Variants in CCL26 observed in about 807,000 individuals in gnomAD.
CCL26 encodes C-C motif chemokine ligand 26.
In CCL26, 10 loss-of-function variants were observed where a neutral mutation model predicts 10.7. The ratio of observed to expected loss-of-function variants is 0.93; its 90% CI spans 0.57 to 1.58. The LOEUF (loss-of-function observed/expected upper bound fraction) is 1.58. CCL26 is among the 40% of genes most tolerant of loss of function. The pLI, the probability that CCL26 is intolerant of heterozygous loss-of-function variation, is 0.00. For synonymous variants in CCL26, 43 were observed against 41.4 expected (o/e 1.04, Z -0.15); for missense variants, 116 against 111.0 (o/e 1.05, Z -0.20).
chr7:75,773,373 G>A (rs797025982), upstream of CCL26, among the ~76,000 whole-genome samples: 4 of 151,148 alleles, frequency 2.6e-5, no homozygotes, highest in African/African-American at 7.3e-5. Context: ...ACAGTGAGCC[G>A]AGATCCCGCC....
intron 1 of CCL26, among the ~76,000 whole-genome samples, chr7:75,787,031 G>A (rs376912820): frequency 6.6e-5 from 10 of 152,192 alleles, no homozygotes; most frequent in South Asian, 2.1e-4. Flanking sequence ...ATTTGCCCCC[G>A]CCCAGGACTG....
At chr7:75,790,114 T>A (rs1803292382), upstream of CCL26, among the ~76,000 whole-genome samples, 1 of 150,176 alleles carries the variant, frequency 6.7e-6, no homozygotes, top group Non-Finnish European at 1.5e-5. Flanking sequence ...CTTTTCTCTT[T>A]CTTTTTCTTT....
At chr7:75,776,218 C>T (rs1554528694), upstream of CCL26, among the ~76,000 whole-genome samples, 3 of 151,590 alleles carry the variant, frequency 2.0e-5, no homozygotes. Flanking sequence ...ATTACAGGCG[C>T]ACACCACCAT....
chr7:75,783,643 C>T (rs1803114660), intron 1 of CCL26, among the ~76,000 whole-genome samples: 2 of 151,918 alleles, frequency 1.3e-5, no homozygotes, highest in Non-Finnish European at 2.9e-5. Flanking sequence ...AAAAATTAGC[C>T]AGGAGTGGTG....
chr7:75,784,548 T>C (rs1554529777), intron 1 of CCL26, among the ~76,000 whole-genome samples: 7 of 152,306 alleles, frequency 4.6e-5, no homozygotes, highest in African/African-American at 2.4e-5. Context: ...CTTTTTCCTT[T>C]GCCTCCATAA....
chr7:75,771,802 C>A (rs1554528100), intron 2 of CCL26, 87 bp downstream of exon 2: 3 of 842,162 alleles, frequency 3.6e-6, no homozygotes, highest in African/African-American at 3.3e-5. Flanking sequence ...AGGTTCCCAT[C>A]CCAAGGCTCA....
chr7:75,786,971 C>T (rs891275315), intron 1 of CCL26, among the ~76,000 whole-genome samples: 2 of 152,190 alleles, frequency 1.3e-5, no homozygotes, highest in Non-Finnish European at 2.9e-5. Flanking sequence ...TTCTACTACT[C>T]CTCAGGGATT....
chr7:75,769,677 T>A lies in CCL26; in HGVS notation c.*16A>T, dbSNP rs1302911233. On this transcript the variant is annotated 3_prime_UTR_variant, in exon 3 of 3. Coordinates refer to ENST00000005180, the MANE Select transcript of CCL26 (RefSeq NM_001371938.1). The stretch of plus-strand genomic sequence containing the variant: ...AGAGCGGGGTCCAAGCGTCCTCGGA[T>A]GAAAATTCAGCTGAGTCACAATTGT... The A allele has an allele frequency of 1.3e-6, 2 of 1,568,508 alleles. No homozygotes were observed. Among genetic ancestry groups the A allele is most frequent in the East Asian group, 2.2e-5 (1 of 44,674 alleles).
upstream of CCL26, among the ~76,000 whole-genome samples, chr7:75,790,952 A>T (rs541288046): frequency 2.1e-3 from 315 of 151,356 alleles, 1 homozygote; most frequent in African/African-American, 7.4e-3. Context: ...AAAAAAAAAA[A>T]TTTGAGTCCC....
At chr7:75,783,115 T>C (rs1368588104) in intron 1 of CCL26, among the ~76,000 whole-genome samples, 1 of 152,164 alleles carries the variant, frequency 6.6e-6, no homozygotes, top group Admixed American at 6.6e-5. Context: ...GAAGACATAG[T>C]CAGGGTACAT....
At chr7:75,784,822 T>G (rs782433849) in intron 1 of CCL26, among the ~76,000 whole-genome samples, 1 of 152,006 alleles carries the variant, frequency 6.6e-6, no homozygotes, top group Non-Finnish European at 1.5e-5. Context: ...ACCACAAGTA[T>G]AGGACACCTC....
chr7:75,787,325 T>TA (rs1803216487), intron 1 of CCL26, among the ~76,000 whole-genome samples: 1 of 151,954 alleles, frequency 6.6e-6, no homozygotes, highest in Non-Finnish European at 1.5e-5. Context: ...TCAGGAAAGG[T>TA]AAAACGGACT....
At chr7:75,779,915 G>A (rs1021918256) in intron 1 of CCL26, among the ~76,000 whole-genome samples, 5 of 151,534 alleles carry the variant, frequency 3.3e-5, no homozygotes, top group Non-Finnish European at 5.9e-5. Context: ...ACTTTCCTGG[G>A]GGGCAAGCAC....
At chr7:75,776,193 T>A (rs988735869), upstream of CCL26, among the ~76,000 whole-genome samples, 5 of 150,390 alleles carry the variant, frequency 3.3e-5, no homozygotes, top group African/African-American at 1.2e-4. Context: ...TGTCTCAGCC[T>A]CCCAAGTAGC....
At chr7:75,774,762 A>G (rs1021783810), upstream of CCL26, among the ~76,000 whole-genome samples, 1 of 151,986 alleles carries the variant, frequency 6.6e-6, no homozygotes, top group African/African-American at 2.4e-5. Context: ...TTTTAATTAA[A>G]TAAAAATTAA....
At chr7:75,785,041 T>G (rs1158970713) in intron 1 of CCL26, among the ~76,000 whole-genome samples, 1 of 152,198 alleles carries the variant, frequency 6.6e-6, no homozygotes, top group Non-Finnish European at 1.5e-5. Flanking sequence ...ACCAGACAAG[T>G]CTTACAGGTT....
At chr7:75,771,671 G>A (rs1218330149) in intron 2 of CCL26, among the ~76,000 whole-genome samples, 2 of 152,150 alleles carry the variant, frequency 1.3e-5, no homozygotes, top group African/African-American at 4.8e-5. Context: ...AGCCAAGATC[G>A]TGCCATTGCA....
At chr7:75,777,966 C>A (rs368187308) in intron 1 of CCL26, among the ~76,000 whole-genome samples, 1 of 151,806 alleles carries the variant, frequency 6.6e-6, no homozygotes, top group Non-Finnish European at 1.5e-5. Context: ...GTGATTCACC[C>A]GCCTCGGCCT....
At chr7:75,776,158 G>A (rs1467558368), upstream of CCL26, among the ~76,000 whole-genome samples, 13 of 144,042 alleles carry the variant, frequency 9.0e-5, no homozygotes, top group South Asian at 4.5e-4. Flanking sequence ...TGCAATCTCC[G>A]CCTCCCAGGT....
Sources: allele counts gnomAD v4.1 joint callset (sites outside exome capture counted in the v4.1 genomes callset), GRCh38; gene constraint gnomAD v4.1.1; transcripts MANE v1.5; gene names NCBI Gene and HGNC (gene_info 2026-07-23, HGNC 2026-07-21).